Variants in ADIPOR2 observed in about 807,000 individuals in gnomAD.
ADIPOR2 encodes the protein adiponectin receptor 2.
In ADIPOR2, 18 loss-of-function variants were observed where a neutral mutation model predicts 40.9. That is an observed-to-expected ratio of 0.44 (90% CI 0.30 to 0.65). The LOEUF is 0.65. Ranked by LOEUF, ADIPOR2 falls within the 30% of genes least tolerant of loss-of-function variation. The pLI is 0.09. For synonymous variants in ADIPOR2, 165 were observed against 166.4 expected (o/e 0.99, Z 0.06); for missense variants, 283 against 479.2 (o/e 0.59, Z 3.82).
At chr12:1,721,900 G>A (rs1158588227) in intron 1 of ADIPOR2, among the ~76,000 whole-genome samples, 2 of 152,206 alleles carry the variant, frequency 1.3e-5, no homozygotes, top group African/African-American at 4.8e-5. Context: ...AATGTAATGG[G>A]CAAGGGGTAG....
chr12:1,716,645 T>A (rs1056475639), intron 1 of ADIPOR2, among the ~76,000 whole-genome samples: 1 of 152,238 alleles, frequency 6.6e-6, no homozygotes, highest in Non-Finnish European at 1.5e-5. Context: ...TCAGCACTTA[T>A]GTGTGATGCA....
intron 1 of ADIPOR2, among the ~76,000 whole-genome samples, chr12:1,735,016 A>T (rs941423266): frequency 1.1e-4 from 17 of 152,192 alleles, no homozygotes; most frequent in African/African-American, 4.1e-4. Flanking sequence ...TACAGTTTGA[A>T]GTCAGGTAGC....
At chr12:1,754,777 A>G (rs1353840510) in intron 2 of ADIPOR2, among the ~76,000 whole-genome samples, 5 of 151,786 alleles carry the variant, frequency 3.3e-5, no homozygotes, top group Admixed American at 3.3e-4. Flanking sequence ...TCTGTCACCC[A>G]GGCGGAGTGC....
At chr12:1,736,927 A>G (rs558052095) in intron 1 of ADIPOR2, among the ~76,000 whole-genome samples, 5 of 152,292 alleles carry the variant, frequency 3.3e-5, no homozygotes, top group Admixed American at 2.0e-4. Context: ...TTTTTGATTC[A>G]GAAAATTTGG....
chr12:1,754,514 A>G lies in ADIPOR2; in HGVS notation c.171A>G (p.Lys57=). Residue 57 remains lysine (K), a splice_region_variant and synonymous_variant, in exon 2 of 8, where the codon AAA becomes AAG. Coordinates refer to ENST00000357103, the MANE Select transcript of ADIPOR2 (RefSeq NM_024551.3). ...EASVLSSHHK[K]SSEEHEYSDE... ...CTGTTCTATCTTCCCATCATAAAAA[A>G]GTAAGTCAAATTGGAAGAATGATAA... The G allele has an allele frequency of 6.3e-7, 1 of 1,598,116 alleles. No homozygotes were observed. The highest frequency in any genetic ancestry group is 1.1e-5 in the South Asian group (1 of 87,384).
At chr12:1,708,224 G>A (rs977851835) in intron 1 of ADIPOR2, among the ~76,000 whole-genome samples, 3 of 149,206 alleles carry the variant, frequency 2.0e-5, no homozygotes, top group Non-Finnish European at 4.4e-5. Flanking sequence ...GAGCATCCTC[G>A]AATTTTGGTG....
At chr12:1,712,686 C>G (rs1056032968) in intron 1 of ADIPOR2, among the ~76,000 whole-genome samples, 16 of 152,106 alleles carry the variant, frequency 1.1e-4, no homozygotes, top group Non-Finnish European at 1.9e-4. Context: ...TATTTGCCCT[C>G]TGGGTCTCCT....
chr12:1,748,624 G>GT lies in ADIPOR2; in HGVS notation c.-86-5624dup, dbSNP rs912111708. On this transcript the variant is annotated intron_variant, in intron 1 of 7. Transcript: ENST00000357103. ...GTGTGACCTAAATTTACAGGTTGAAGTTTTTTTTTTAAGTTTTTTGTCTAT... is the reference window on the plus strand; with the variant it reads ...GTGTGACCTAAATTTACAGGTTGAAGTTTTTTTTTTTAAGTTTTTTGTCTAT... 3.5e-4 allele frequency among the ~76,000 whole-genome samples: 52 copies of GT among 148,742 alleles called. 1 individual carries two copies. In the East Asian group the frequency reaches 5.3e-3, roughly 15 times the overall value.
intron 1 of ADIPOR2, among the ~76,000 whole-genome samples, chr12:1,704,019 T>G (rs2094656494): frequency 6.7e-6 from 1 of 148,592 alleles, no homozygotes; most frequent in Non-Finnish European, 1.5e-5. Flanking sequence ...CCACCAGTTT[T>G]TTTTTTTTTT....
intron 2 of ADIPOR2, among the ~76,000 whole-genome samples, chr12:1,754,872 G>A (rs1862090809): frequency 1.7e-5 from 1 of 57,918 alleles, no homozygotes; most frequent in Non-Finnish European, 6.5e-5. Context: ...ATGCCACCAT[G>A]CCAGGCTAAT....
chr12:1,766,385 A>C (rs896027528), intron 2 of ADIPOR2, among the ~76,000 whole-genome samples: 2 of 152,188 alleles, frequency 1.3e-5, no homozygotes, highest in African/African-American at 4.8e-5. Context: ...AGTGGGGTGG[A>C]GGATGTGGTA....
At chr12:1,694,443 A>C (rs58500393) in intron 1 of ADIPOR2, among the ~76,000 whole-genome samples, 6,821 of 152,284 alleles carry the variant, frequency 0.045, 251 homozygotes, top group East Asian at 0.18. Context: ...ATATCCTCCC[A>C]AATACTTTAT....
chr12:1,724,722 ACT>A (rs745833281), intron 1 of ADIPOR2, among the ~76,000 whole-genome samples: 1 of 151,874 alleles, frequency 6.6e-6, no homozygotes. Flanking sequence ...ACAGGGTCTC[ACT>A]CTGTCGCCCA....
At chr12:1,722,289 G>A (rs2094699464) in intron 1 of ADIPOR2, among the ~76,000 whole-genome samples, 1 of 152,236 alleles carries the variant, frequency 6.6e-6, no homozygotes, top group African/African-American at 2.4e-5. Context: ...GATTGGTGGT[G>A]CAGTTTACTG....
chr12:1,767,041 G>A lies in ADIPOR2; in HGVS notation c.172-5801G>A, dbSNP rs572602646. 3.9e-5 allele frequency among the ~76,000 whole-genome samples: 6 copies of A among 151,966 alleles called. No homozygotes were observed. In the East Asian group the frequency reaches 5.8e-4, roughly 15 times the overall value. Reference sequence around the variant, plus strand: ...TCCCAGCACTTCGGGAAGCTGAGGCGGGTGGATCACCTGAGGTCAGGAGTT... The same window carrying A: ...TCCCAGCACTTCGGGAAGCTGAGGCAGGTGGATCACCTGAGGTCAGGAGTT... On this transcript the variant is annotated intron_variant, in intron 2 of 7. Transcript: ENST00000357103.
chr12:1,719,352 A>G (rs1039390207), intron 1 of ADIPOR2, among the ~76,000 whole-genome samples: 1 of 152,180 alleles, frequency 6.6e-6, no homozygotes, highest in African/African-American at 2.4e-5. Flanking sequence ...TGGCTTTGGC[A>G]TTTAAGTGCT....
intron 1 of ADIPOR2, among the ~76,000 whole-genome samples, chr12:1,703,483 C>A (rs897763292): frequency 1.3e-5 from 2 of 152,058 alleles, no homozygotes; most frequent in African/African-American, 4.8e-5. Context: ...TGGCTGTAAT[C>A]TCAGTACTTT....
At chr12:1,718,361 C>T (rs562841236) in intron 1 of ADIPOR2, among the ~76,000 whole-genome samples, 13 of 152,190 alleles carry the variant, frequency 8.5e-5, no homozygotes, top group African/African-American at 3.1e-4. Flanking sequence ...TTAAAAACCT[C>T]AGAGAAAGTC....
intron 1 of ADIPOR2, among the ~76,000 whole-genome samples, chr12:1,715,200 C>T (rs544093014): frequency 6.0e-4 from 92 of 152,194 alleles, no homozygotes; most frequent in African/African-American, 2.2e-3. Context: ...GTGGATTATC[C>T]TTCAGTGAAA....
Sources: gnomAD v4.1 joint callset for allele counts (sites outside exome capture counted in the v4.1 genomes callset) on GRCh38, gnomAD v4.1.1 for gene constraint, MANE v1.5 for transcripts, NCBI Gene and HGNC (gene_info 2026-07-23, HGNC 2026-07-21) for gene names.